The following MDGA2 variants were observed in gnomAD, a reference collection of about 807,000 sequenced individuals.
The protein encoded by MDGA2 is MAM domain containing glycosylphosphatidylinositol anchor 2.
Under a neutral mutation model 117.8 loss-of-function variants are expected in MDGA2, and 40 were observed. The ratio of observed to expected loss-of-function variants is 0.34; its 90% confidence interval spans 0.26 to 0.44. The LOEUF is 0.44. MDGA2 is among the 20% of genes least tolerant of loss of function. The pLI, the probability that MDGA2 is intolerant of heterozygous loss-of-function variation, is 1.00. For missense variants in MDGA2, 1,123 were observed against 1,250.6 expected (o/e 0.90, Z 1.54); for synonymous variants, 452 against 439.0 (o/e 1.03, Z -0.37).
At chr14:46,859,532 G>GA (rs1422769360) in intron 14 of MDGA2, among the ~76,000 whole-genome samples, 2 of 152,068 alleles carry the variant, frequency 1.3e-5, no homozygotes, top group Non-Finnish European at 2.9e-5. Context: ...CATTCTGCTT[G>GA]AATTTCTGGG....
At chr14:47,644,083 T>G (rs1897479378) in intron 1 of MDGA2, among the ~76,000 whole-genome samples, 1 of 152,164 alleles carries the variant, frequency 6.6e-6, no homozygotes, top group Non-Finnish European at 1.5e-5. Context: ...AAAGATATGT[T>G]TTCATAGAAA....
chr14:46,991,240 C>T (rs1367535652), intron 8 of MDGA2, among the ~76,000 whole-genome samples: 4 of 152,008 alleles, frequency 2.6e-5, no homozygotes, highest in Non-Finnish European at 4.4e-5. Flanking sequence ...ACATCCTCTG[C>T]CTTAGAAAGG....
chr14:47,634,820 T>C (rs1897297530), intron 1 of MDGA2, among the ~76,000 whole-genome samples: 1 of 152,094 alleles, frequency 6.6e-6, no homozygotes, highest in African/African-American at 2.4e-5. Flanking sequence ...CTTATTGCTC[T>C]TAGAGTCTTC....
At chr14:47,243,675 C>G (rs2074364242) in intron 2 of MDGA2, among the ~76,000 whole-genome samples, 1 of 151,526 alleles carries the variant, frequency 6.6e-6, no homozygotes, top group East Asian at 1.9e-4. Context: ...AAGGAAGAAA[C>G]TCCGAACAGA....
intron 8 of MDGA2, among the ~76,000 whole-genome samples, chr14:47,017,650 A>T (rs1888132973): frequency 6.6e-6 from 1 of 151,938 alleles, no homozygotes; most frequent in Admixed American, 6.6e-5. Flanking sequence ...TTAAAATTCC[A>T]CATAAAGCTG....
intron 5 of MDGA2, among the ~76,000 whole-genome samples, chr14:47,118,653 T>A (rs191813509): frequency 1.3e-3 from 204 of 152,332 alleles, no homozygotes; most frequent in Non-Finnish European, 2.3e-3. Flanking sequence ...GTTCTTAATG[T>A]ATATGTGTAT....
intron 1 of MDGA2, among the ~76,000 whole-genome samples, chr14:47,312,029 G>A (rs1889651860): frequency 6.6e-6 from 1 of 152,038 alleles, no homozygotes; most frequent in African/African-American, 2.4e-5. Context: ...AGAATCTAAA[G>A]TAAAAACATT....
intron 3 of MDGA2, among the ~76,000 whole-genome samples, chr14:47,177,775 A>G (rs142578092): frequency 0.013 from 2,008 of 152,258 alleles, 50 homozygotes; most frequent in African/African-American, 0.045. Context: ...CATTGTGCAC[A>G]TGTACCCTAA....
At chr14:47,116,486 T>C (rs1023046012) in intron 5 of MDGA2, among the ~76,000 whole-genome samples, 1 of 152,058 alleles carries the variant, frequency 6.6e-6, no homozygotes, top group African/African-American at 2.4e-5. Context: ...AAGCAGGAGT[T>C]AGCACACTAG....
At chr14:47,495,336 T>A (rs1894259143) in intron 1 of MDGA2, among the ~76,000 whole-genome samples, 1 of 152,102 alleles carries the variant, frequency 6.6e-6, no homozygotes, top group African/African-American at 2.4e-5. Context: ...TGTACACTAT[T>A]TGTGTGAAGT....
rs546136418 is a variant in MDGA2, at chr14:47,040,106, C to T, written c.1526-4802G>A. 3.9e-5 allele frequency among the ~76,000 whole-genome samples: 6 copies of T among 152,184 alleles called. No homozygotes were observed. In the South Asian group the frequency reaches 1.2e-3, roughly 32 times the overall value. On this transcript the variant is annotated intron_variant, in intron 7 of 16. Coordinates refer to ENST00000399232, the MANE Select transcript of MDGA2 (RefSeq NM_001113498.3). The stretch of plus-strand genomic sequence containing the variant: ...CTTCTTGAAGGGTAGGCTATACATG[C>T]TCTGTCTTTACATTGTTACCATCTA...
chr14:47,498,316 C>G (rs1894325130), intron 1 of MDGA2, among the ~76,000 whole-genome samples: 2 of 152,196 alleles, frequency 1.3e-5, no homozygotes, highest in Non-Finnish European at 2.9e-5. Flanking sequence ...GTTACCCTCT[C>G]TTATCAACTC....
chr14:47,470,139 C>T lies in MDGA2; in HGVS notation c.281-168589G>A, dbSNP rs558423976. On this transcript the variant is annotated intron_variant, in intron 1 of 16. Coordinates refer to ENST00000399232, the MANE Select transcript of MDGA2 (RefSeq NM_001113498.3). ...ATTTTTATTTTTTTTTTGATGCTTT[C>T]AATTCTGGGTTACAAGTGCAGAACG... Among the ~76,000 whole-genome samples, 7 of 146,802 alleles carry T rather than the reference C, an allele frequency of 4.8e-5. No individual in the cohort carries two copies. The South Asian group carries it at 8.6e-4, about 18-fold the overall frequency.
intron 9 of MDGA2, among the ~76,000 whole-genome samples, chr14:46,934,484 T>C (rs1258600157): frequency 1.3e-5 from 2 of 152,146 alleles, no homozygotes; most frequent in Non-Finnish European, 2.9e-5. Context: ...GAACTGCAAA[T>C]CTTAAAAGTT....
At chr14:46,866,354 A>G (rs1445254292) in intron 14 of MDGA2, among the ~76,000 whole-genome samples, 1 of 152,192 alleles carries the variant, frequency 6.6e-6, no homozygotes, top group African/African-American at 2.4e-5. Flanking sequence ...GAAAGCTGAA[A>G]CTGGATTCCT....
At chr14:47,049,461 T>G (rs539108870) in intron 7 of MDGA2, among the ~76,000 whole-genome samples, 2 of 152,248 alleles carry the variant, frequency 1.3e-5, no homozygotes, top group African/African-American at 4.8e-5. Context: ...TAAATGCTAT[T>G]TAATAGTAGT....
intron 1 of MDGA2, among the ~76,000 whole-genome samples, chr14:47,642,198 A>G (rs557646629): frequency 1.3e-5 from 2 of 152,114 alleles, no homozygotes; most frequent in East Asian, 3.9e-4. Context: ...TCAGCTATGT[A>G]CCCATTTCTT....
At chr14:47,283,154 AAGG>A (rs1370145692) in intron 2 of MDGA2, among the ~76,000 whole-genome samples, 1 of 152,146 alleles carries the variant, frequency 6.6e-6, no homozygotes, top group Non-Finnish European at 1.5e-5. Context: ...CAGAGAAAGG[AAGG>A]AGAAGTGAGG....
At chr14:47,011,701 T>C (rs552355346) in intron 8 of MDGA2, among the ~76,000 whole-genome samples, 1 of 152,134 alleles carries the variant, frequency 6.6e-6, no homozygotes, top group African/African-American at 2.4e-5. Flanking sequence ...TTCTTATATA[T>C]ACAGGTTATT....
Sources: allele counts gnomAD v4.1 joint callset (sites outside exome capture counted in the v4.1 genomes callset), GRCh38; gene constraint gnomAD v4.1.1; transcripts MANE v1.5; gene names NCBI Gene and HGNC (gene_info 2026-07-23, HGNC 2026-07-21).